Variants in EPHB4 observed in about 807,000 individuals in gnomAD.
EPHB4 encodes the protein EPH receptor B4.
EPHB4 carries 50 observed loss-of-function variants against 110.6 expected under a neutral mutation model. The ratio of observed to expected loss-of-function variants is 0.45; its 90% CI spans 0.36 to 0.57. EPHB4 has a LOEUF of 0.57. EPHB4 is among the 20% of genes least tolerant of loss of function. The pLI, the probability that EPHB4 is intolerant of heterozygous loss-of-function variation, is 0.00. For missense variants in EPHB4, 1,128 were observed against 1,382.1 expected, an observed-to-expected ratio of 0.82 and a Z score of 2.91; for synonymous variants, 592 against 578.4, an observed-to-expected ratio of 1.02 and a Z score of -0.34.
At chr7:100,820,526 T>C (rs558438360) in intron 4 of EPHB4, 113 of 396,474 alleles carry the variant, frequency 2.9e-4, no homozygotes, top group African/African-American at 2.1e-3. Context: ...GGTGGGAAAA[T>C]GGACAAAAGA....
At chr7:100,826,835 T>G in intron 1 of EPHB4, 144 bp downstream of exon 1, 273 of 508,050 alleles carry the variant, frequency 5.4e-4, no homozygotes, top group East Asian at 8.6e-4. Flanking sequence ...CCCCTCCCGT[T>G]CCAGCACTAT....
At chr7:100,812,172 C>CAA (rs1030915141) in intron 12 of EPHB4, among the ~76,000 whole-genome samples, 1 of 121,646 alleles carries the variant, frequency 8.2e-6, no homozygotes. Context: ...AACTCCATCT[C>CAA]AAAAAAAAAA....
At chr7:100,805,403 G>A in intron 15 of EPHB4, 82 bp from the exon 16 acceptor site, 3 of 1,590,048 alleles carry the variant, frequency 1.9e-6, no homozygotes. Flanking sequence ...TGCAGAGGCG[G>A]ACAGAGGCCC....
chr7:100,815,313 A>G (rs1813042345), intron 8 of EPHB4, among the ~76,000 whole-genome samples: 1 of 151,908 alleles, frequency 6.6e-6, no homozygotes, highest in South Asian at 2.1e-4. Context: ...ACAGAGCGAG[A>G]CCCTGTTTCC....
At chr7:100,824,594 C>T (rs1056311112) in intron 1 of EPHB4, 16 of 306,532 alleles carry the variant, frequency 5.2e-5, no homozygotes, top group Admixed American at 1.8e-4. Flanking sequence ...ATGAGAGCTG[C>T]GCCCTGGTCC....
At chr7:100,826,354 G>C (rs1379604966) in intron 1 of EPHB4, among the ~76,000 whole-genome samples, 2 of 152,124 alleles carry the variant, frequency 1.3e-5, no homozygotes, top group African/African-American at 4.8e-5. Flanking sequence ...ACCTGGGGCC[G>C]GGGTCTAGAC....
rs749291888 is a variant in EPHB4 at position 100,807,472 on chromosome 7, C to A, written c.2227G>T (p.Ala743Ser). The A allele has an allele frequency of 7.4e-6, 12 of 1,613,932 alleles. No homozygotes were observed. The highest frequency in any genetic ancestry group is 9.3e-6 in the Non-Finnish European group (11 of 1,179,996). ...EMSYVHRDLA[A>S]RNILVNSNLV... ...TTGCTGTTGACTAGGATGTTGCGAG[C>A]AGCCAGGTCTCGGTGGACGTAGCTC... The change falls in exon 13 of 17, where the codon GCT (alanine) becomes TCT (serine). Residue 743 changes from alanine (A) to serine (S), a missense_variant. Coordinates refer to ENST00000358173, the MANE Select transcript of EPHB4 (RefSeq NM_004444.5).
intron 2 of EPHB4, 75 bp downstream of exon 2, chr7:100,824,128 G>A: frequency 6.3e-7 from 1 of 1,599,268 alleles, no homozygotes; most frequent in Non-Finnish European, 8.6e-7. Context: ...GTGGCACACA[G>A]AAAGCAGGCG....
chr7:100,820,084 A>C, intron 5 of EPHB4, 57 bp downstream of exon 5: 3 of 1,580,030 alleles, frequency 1.9e-6, no homozygotes, highest in Non-Finnish European at 2.6e-6. Context: ...GTGAGGGTCC[A>C]CCTCAGAGGT....
At chr7:100,805,756 C>G in intron 14 of EPHB4, 62 bp from the exon 15 acceptor site, 2 of 1,372,948 alleles carry the variant, frequency 1.5e-6, no homozygotes, top group South Asian at 4.1e-5. Flanking sequence ...TGCTAACAGG[C>G]CCAGGAAATG....
At position 100,807,593 on chromosome 7, in the gene EPHB4, T is replaced by C. The variant is rs767546916; in HGVS notation, c.2119-13A>G. ...GTCCGTCGTTTAGCTGGAGAGCAGA[T>C]AGGGTGGGGGCTTGGTGAGGACAGC... On this transcript the variant is annotated splice_polypyrimidine_tract_variant and intron_variant, in intron 12 of 16. Coordinates refer to ENST00000358173, the MANE Select transcript of EPHB4 (RefSeq NM_004444.5). The C allele has an allele frequency of 6.2e-6, 10 of 1,609,906 alleles. No homozygotes were observed. The highest frequency in any genetic ancestry group is 1.7e-4 in the Middle Eastern group (1 of 6,036).
In EPHB4 at chr7:100,817,267, C is replaced by T. The variant is rs1813098427; in HGVS notation, c.1513G>A (p.Val505Met). 4.4e-6 allele frequency: 7 copies of T among 1,606,488 alleles called. No homozygotes were observed. The highest frequency in any genetic ancestry group is 5.1e-6 in the Non-Finnish European group (6 of 1,177,334). The change falls in exon 8 of 17, where the codon GTG becomes ATG. Residue 505 changes from valine (V) to methionine (M), a missense_variant. This residue lies in a region of EPHB4 where 728 missense variants were observed against 828.6 expected (regional missense o/e 0.88). Coordinates refer to ENST00000358173, the MANE Select transcript of EPHB4 (RefSeq NM_004444.5). ...RGLKRGASYL[V>M]QVRARSEAGY... is the part of the protein sequence containing the mutation. ...GCCTCAGAGCGCGCCCGTACCTGCA[C>T]CAGGTAGCTGGCTCCCCGCTTCAGC...
chr7:100,813,317 T>G (rs1176050149), intron 10 of EPHB4, 109 bp from the exon 11 acceptor site: 1 of 881,874 alleles, frequency 1.1e-6, no homozygotes, highest in South Asian at 1.9e-5. Context: ...TTTTTTTTTT[T>G]TTTTTTTTTT....
intron 16 of EPHB4, 85 bp from the exon 17 acceptor site, chr7:100,803,675 C>G (rs1812750977): frequency 3.5e-6 from 5 of 1,422,532 alleles, no homozygotes; most frequent in Non-Finnish European, 3.7e-6. Flanking sequence ...GTCCTAGCCT[C>G]AGGATTGTAA....
At chr7:100,806,985 CAG>C (rs1812831106) in intron 13 of EPHB4, among the ~76,000 whole-genome samples, 1 of 152,072 alleles carries the variant, frequency 6.6e-6, no homozygotes, top group Admixed American at 6.6e-5. Flanking sequence ...TCTTTTGAGA[CAG>C]GGTCTTGCTC....
In EPHB4 at chr7:100,822,614, G is replaced by A. The variant is rs201197431; in HGVS notation, c.465C>T (p.Ala155=). ...GCGTCTTGACATTCACCTTCCCGGT[G>A]GCCTCGGCCCCAGGGCGCTTCCGGG... The part of the protein sequence containing the change: ...HLTRKRPGAE[A]TGKVNVKTLR... The change falls in exon 4 of 17, where the codon GCC becomes GCT. Residue 155 remains alanine, a synonymous_variant. Transcript: ENST00000358173. The surrounding 1 kb of genome is among the most constrained non-coding windows in gnomAD (Gnocchi z 4.7). 17 of 1,603,704 alleles carry A rather than the reference G, an allele frequency of 1.1e-5. No individual in the cohort carries two copies. In the East Asian group the frequency reaches 3.4e-4, roughly 32 times the overall value.
Position 100,818,641 on chromosome 7 carries a change from G to A in EPHB4, c.1301C>T (p.Pro434Leu), listed in dbSNP as rs1395318917. ...CACCCGGATGTCAGACACTGCAGGA[G>A]GTACTGTGAGAGGCAGAGACACAGG... ...PVNVTTDREV[P>L]PAVSDIRVTR... Residue 434 changes from proline to leucine, a missense_variant, in exon 7 of 17, where the codon CCT (proline) becomes CTT (leucine). Pro to Leu is a moderately conservative substitution (Grantham distance 98, BLOSUM62 -3). Coordinates refer to ENST00000358173, the MANE Select transcript of EPHB4 (RefSeq NM_004444.5). 1 of 1,608,648 alleles carries A rather than the reference G, an allele frequency of 6.2e-7. No individual in the cohort carries two copies. Among genetic ancestry groups the A allele is most frequent in the Admixed American group, 1.7e-5 (1 of 59,930 alleles).
Position 100,822,475 on chromosome 7 carries a change from C to G in EPHB4, c.604G>C (p.Val202Leu), listed in dbSNP as rs1204973100. Residue 202 changes from valine (V) to leucine (L), a missense_variant, in exon 4 of 17, where the codon GTG (valine) becomes CTG (leucine). Around this residue, in one of 3 missense-constraint regions of EPHB4, gnomAD observed 728 missense variants for 828.6 expected, o/e 0.88. Transcript: ENST00000358173. The surrounding 1 kb of genome is among the most constrained non-coding windows in gnomAD (Gnocchi z 4.7). Reference sequence around the variant, plus strand: ...GTCTCCGGGAATCGAGTCAGGTTCACAGTCAGCTGGGCGCACTTTTTGTAG... The same window carrying G: ...GTCTCCGGGAATCGAGTCAGGTTCAGAGTCAGCTGGGCGCACTTTTTGTAG... ...LFYKKCAQLT[V>L]NLTRFPETVP... is the part of the protein sequence containing the mutation. The G allele has an allele frequency of 6.2e-7, 1 of 1,611,084 alleles. No individual in the cohort carries two copies. The highest frequency in any genetic ancestry group is 1.3e-5 in the African/African-American group (1 of 74,904).
chr7:100,818,112 C>T (rs1159510210), intron 7 of EPHB4, among the ~76,000 whole-genome samples: 1 of 152,008 alleles, frequency 6.6e-6, no homozygotes, highest in Non-Finnish European at 1.5e-5. Context: ...TGTGATCCGC[C>T]CACCTCGGCC....
Sources: allele counts gnomAD v4.1 joint callset (sites outside exome capture counted in the v4.1 genomes callset), GRCh38; gene constraint gnomAD v4.1.1; regional missense constraint gnomAD v4.1.1; non-coding constraint Gnocchi (gnomAD v3.1); transcripts MANE v1.5; gene names NCBI Gene and HGNC (gene_info 2026-07-23, HGNC 2026-07-21).